The following FBXO27 variants were observed in gnomAD, a reference collection of about 807,000 sequenced individuals.
FBXO27 encodes F-box protein 27.
A neutral mutation model predicts 28.3 loss-of-function variants in FBXO27; 28 were observed. That is an observed-to-expected ratio of 0.99 (90% CI 0.73 to 1.36). The LOEUF (loss-of-function observed/expected upper bound fraction) is 1.36. Ranked by LOEUF, FBXO27 falls within the 40% of genes most tolerant of loss-of-function variation. The probability of loss-of-function intolerance (pLI) is 0.00; values close to 1 mark genes in which losing one functional copy is unlikely to be tolerated. For synonymous variants in FBXO27, 175 were observed against 167.3 expected (o/e 1.05, Z -0.36); for missense variants, 388 against 394.1 (o/e 0.98, Z 0.13).
chr19:39,012,463 C>T (rs562782013), intron 2 of FBXO27, among the ~76,000 whole-genome samples: 15 of 152,186 alleles, frequency 9.9e-5, no homozygotes, highest in Admixed American at 4.6e-4. Context: ...GGATTACAGG[C>T]GTGAGCCACC....
intron 2 of FBXO27, among the ~76,000 whole-genome samples, chr19:39,031,653 A>G (rs1263180412): frequency 7.8e-6 from 1 of 128,344 alleles, no homozygotes; most frequent in East Asian, 2.3e-4. Flanking sequence ...TCCCTCCGAC[A>G]CCTCCCACCG....
chr19:39,027,073 T>G (rs113054587), intron 4 of FBXO27, 68 bp from the exon 5 acceptor site: 13 of 1,591,534 alleles, frequency 8.2e-6, no homozygotes, highest in Non-Finnish European at 1.1e-5. Context: ...GCCTACCTTG[T>G]CCGAATGCCC....
downstream of FBXO27, among the ~76,000 whole-genome samples, chr19:39,021,010 AC>A: frequency 6.6e-6 from 1 of 152,038 alleles, no homozygotes; most frequent in South Asian, 2.1e-4. Flanking sequence ...ACCCGCCACC[AC>A]GCCCAGCTAA....
chr19:39,021,426 A>G (rs959789116), downstream of FBXO27, among the ~76,000 whole-genome samples: 2 of 152,134 alleles, frequency 1.3e-5, no homozygotes, highest in Admixed American at 1.3e-4. Context: ...TGTGAAGATA[A>G]CGAGGATGAA....
chr19:39,027,380 T>C (rs1160195743), intron 4 of FBXO27, among the ~76,000 whole-genome samples: 1 of 152,114 alleles, frequency 6.6e-6, no homozygotes, highest in East Asian at 1.9e-4. Context: ...GGCCTTGTGA[T>C]GAACCCAAGA....
At position 39,027,212 on chromosome 19, in the gene FBXO27, T is replaced by C. The variant is rs555317154; in HGVS notation, c.573-207A>G. On this transcript the variant is annotated intron_variant, in intron 4 of 5. Coordinates refer to ENST00000292853, the MANE Select transcript of FBXO27 (RefSeq NM_178820.5). ...GGTGGTACTGGATAATCTACCAATA[T>C]GATTTAGGGCAGGGGCCAGCCACAC... 3.9e-5 allele frequency among the ~76,000 whole-genome samples: 6 copies of C among 152,140 alleles called. No homozygotes were observed. In the East Asian group the frequency reaches 9.7e-4, roughly 25 times the overall value.
intron 2 of FBXO27, among the ~76,000 whole-genome samples, chr19:39,009,180 C>G (rs2072783527): frequency 6.6e-6 from 1 of 152,148 alleles, no homozygotes; most frequent in South Asian, 2.1e-4. Context: ...TTTGGTTTAT[C>G]CATTCATCAG....
chr19:39,009,387 G>C (rs1430876106), intron 2 of FBXO27, among the ~76,000 whole-genome samples: 1 of 152,176 alleles, frequency 6.6e-6, no homozygotes, highest in Non-Finnish European at 1.5e-5. Flanking sequence ...TAAAGCAGCT[G>C]CACCATTTTA....
chr19:39,018,586 C>T (rs116449456), intron 1 of FBXO27, among the ~76,000 whole-genome samples: 1 of 151,908 alleles, frequency 6.6e-6, no homozygotes, highest in South Asian at 2.1e-4. Flanking sequence ...CATGACATTA[C>T]GAGAGAGTTG....
chr19:39,009,628 T>G (rs2144879930), intron 2 of FBXO27, among the ~76,000 whole-genome samples: 2 of 152,282 alleles, frequency 1.3e-5, no homozygotes, highest in Middle Eastern at 6.8e-3. Flanking sequence ...CTTTGCCCAT[T>G]TGAAAACTGA....
intron 2 of FBXO27, among the ~76,000 whole-genome samples, chr19:39,009,033 G>A (rs2072782831): frequency 6.6e-6 from 1 of 152,156 alleles, no homozygotes; most frequent in Non-Finnish European, 1.5e-5. Flanking sequence ...TATTAGCCAG[G>A]CTGGTCTCGA....
At chr19:39,023,089 G>A (rs1195260200), downstream of FBXO27, among the ~76,000 whole-genome samples, 1 of 152,136 alleles carries the variant, frequency 6.6e-6, no homozygotes, top group African/African-American at 2.4e-5. Flanking sequence ...ACAGGTGTGA[G>A]CCACCATGCC....
chr19:39,032,278 G>C lies in FBXO27; in HGVS notation c.-26-25C>G. ...GCTGCGGGAGAGGAAGGGTCAAGGC[G>C]TCAGGGACCAGCAGCCTCCGCGGCG... On this transcript the variant is annotated intron_variant, in intron 1 of 5. Coordinates refer to ENST00000292853, the MANE Select transcript of FBXO27 (RefSeq NM_178820.5). This position sits in a 1 kb window ranked among gnomAD's most constrained non-coding sequence, Gnocchi z 4.7. 3 of 1,390,764 alleles carry C rather than the reference G, an allele frequency of 2.2e-6. No individual in the cohort carries two copies. The highest frequency in any genetic ancestry group is 2.8e-6 in the Non-Finnish European group (3 of 1,083,034). 86.2% of individuals were successfully genotyped at this position (1,390,764 alleles called of 1,614,324 possible).
chr19:39,016,089 A>T (rs2072818387), intron 1 of FBXO27, among the ~76,000 whole-genome samples: 1 of 152,056 alleles, frequency 6.6e-6, no homozygotes, highest in Non-Finnish European at 1.5e-5. Context: ...ATACAAAACG[A>T]AACAAACAAA....
At position 39,025,337 on chromosome 19, in the gene FBXO27, T is replaced by C; in HGVS notation, c.*74A>G. 1.3e-6 allele frequency: 2 copies of C among 1,534,138 alleles called. No homozygotes were observed. Among genetic ancestry groups the C allele is most frequent in the East Asian group, 4.6e-5 (2 of 43,398 alleles). ...GAGGTACAAGTGCTTGGTTGGTTAATGAGGGGTCCCAGCCAATGGTCCCAG... is the reference window on the plus strand; with the variant it reads ...GAGGTACAAGTGCTTGGTTGGTTAACGAGGGGTCCCAGCCAATGGTCCCAG... On this transcript the variant is annotated 3_prime_UTR_variant, in exon 6 of 6. Transcript: ENST00000292853.
chr19:39,028,540 G>A (rs2072885057), intron 4 of FBXO27, among the ~76,000 whole-genome samples: 1 of 152,152 alleles, frequency 6.6e-6, no homozygotes, highest in South Asian at 2.1e-4. Context: ...TTCAAGGCCA[G>A]CCTGGGTGAC....
At chr19:39,021,533 T>C (rs2072845041), downstream of FBXO27, among the ~76,000 whole-genome samples, 1 of 152,250 alleles carries the variant, frequency 6.6e-6, no homozygotes. Context: ...TAGCTTACTT[T>C]ATTGTAAGAA....
At chr19:39,025,587 G>A (rs751555442) in intron 5 of FBXO27, 33 bp from the exon 6 acceptor site, 4 of 1,592,584 alleles carry the variant, frequency 2.5e-6, no homozygotes, top group Non-Finnish European at 3.4e-6. Context: ...GCTCCATTGT[G>A]CCACAGCCTC....
At chr19:39,031,365 T>C in intron 2 of FBXO27, 45 bp from the exon 3 acceptor site, 2 of 1,592,656 alleles carry the variant, frequency 1.3e-6, no homozygotes, top group Admixed American at 1.7e-5. Context: ...GTCGCCCGCC[T>C]GTTGGTTCCT....
Sources: gnomAD v4.1 joint callset for allele counts (sites outside exome capture counted in the v4.1 genomes callset) on GRCh38, gnomAD v4.1.1 for gene constraint, Gnocchi (gnomAD v3.1) non-coding constraint, MANE v1.5 for transcripts, NCBI Gene and HGNC (gene_info 2026-07-23, HGNC 2026-07-21) for gene names.